Variants in LRRC74A observed in about 807,000 individuals in gnomAD.
The protein encoded by LRRC74A is leucine rich repeat containing 74A, also known as leucine-rich repeat-containing protein 74A.
A neutral mutation model predicts 57.9 loss-of-function variants in LRRC74A; 44 were observed. The observed-to-expected ratio is 0.76, with a 90% CI of 0.60 to 0.98. The LOEUF (loss-of-function observed/expected upper bound fraction) is 0.98, where lower values mean the gene tolerates loss of function less well. Among genes scored for constraint, LRRC74A ranks in the 50% least tolerant of loss-of-function variants. The probability of loss-of-function intolerance (pLI) is 0.00; values close to 1 mark genes in which losing one functional copy is unlikely to be tolerated. For missense variants in LRRC74A, 572 were observed against 574.0 expected, an observed-to-expected ratio of 1.00 and a Z score of 0.04; for synonymous variants, 211 against 219.4, an observed-to-expected ratio of 0.96 and a Z score of 0.34.
chr14:76,828,654 G>A (rs1362518604), intron 2 of LRRC74A: 2 of 658,372 alleles, frequency 3.0e-6, no homozygotes, highest in East Asian at 3.1e-5. Flanking sequence ...GTGCCCTCAC[G>A]TCGTCTTGTT....
chr14:76,863,185 AGTGTGTGTGTGTGTGT>A (rs112669509), intron 11 of LRRC74A, among the ~76,000 whole-genome samples: 2 of 145,206 alleles, frequency 1.4e-5, no homozygotes, highest in African/African-American at 2.6e-5. Flanking sequence ...CATGCATGTG[AGTGTGTGTGTGTGTGT>A]GTGTGTGTGT....
intron 5 of LRRC74A, among the ~76,000 whole-genome samples, chr14:76,841,923 G>C (rs1175904210): frequency 6.6e-6 from 1 of 151,916 alleles, no homozygotes; most frequent in East Asian, 1.9e-4. Context: ...TGTTGGTCAG[G>C]CTGGTCTCGA....
intron 9 of LRRC74A, 122 bp downstream of exon 9, chr14:76,853,532 C>CATAT: frequency 1.1e-6 from 1 of 911,232 alleles, no homozygotes; most frequent in Non-Finnish European, 1.6e-6. Context: ...ATCTGTACTT[C>CATAT]ATATATGCAT....
chr14:76,828,849 G>A (rs2067007), intron 2 of LRRC74A: 132,411 of 442,908 alleles, frequency 0.3, 20,692 homozygotes, highest in South Asian at 0.39. Flanking sequence ...TGCCCAGCAC[G>A]TTGGCTGATC....
At chr14:76,855,596 A>C (rs1277424807) in intron 9 of LRRC74A, among the ~76,000 whole-genome samples, 1 of 152,218 alleles carries the variant, frequency 6.6e-6, no homozygotes, top group African/African-American at 2.4e-5. Context: ...GGGTCTCCAC[A>C]TCCAGCCCTG....
intron 13 of LRRC74A, among the ~76,000 whole-genome samples, chr14:76,868,937 A>C (rs1417078342): frequency 2.0e-5 from 3 of 152,180 alleles, no homozygotes; most frequent in African/African-American, 7.2e-5. Context: ...GGGGAAATGC[A>C]CACAGCGGCT....
intron 11 of LRRC74A, among the ~76,000 whole-genome samples, chr14:76,863,670 A>T (rs996955056): frequency 6.6e-6 from 1 of 152,336 alleles, no homozygotes; most frequent in East Asian, 1.9e-4. Flanking sequence ...CTACCAAAGT[A>T]GCTGGGCAAG....
chr14:76,847,699 A>AG (rs1341010163), intron 7 of LRRC74A, among the ~76,000 whole-genome samples: 2 of 152,150 alleles, frequency 1.3e-5, no homozygotes, highest in African/African-American at 4.8e-5. Flanking sequence ...AAAAAAAAAA[A>AG]AAGTGCTGTT....
chr14:76,836,593 A>C (rs1485016956), intron 4 of LRRC74A, among the ~76,000 whole-genome samples: 1 of 152,226 alleles, frequency 6.6e-6, no homozygotes, highest in Non-Finnish European at 1.5e-5. Flanking sequence ...TGAGGTCAGG[A>C]GTTCAAACCC....
At chr14:76,861,869 C>T (rs113256654) in intron 11 of LRRC74A, among the ~76,000 whole-genome samples, 87 of 152,306 alleles carry the variant, frequency 5.7e-4, no homozygotes, top group African/African-American at 1.8e-3. Context: ...GGTGTGTCCC[C>T]GGGCTGCTTC....
intron 5 of LRRC74A, among the ~76,000 whole-genome samples, chr14:76,841,648 C>A (rs1319884799): frequency 1.3e-5 from 2 of 151,322 alleles, no homozygotes; most frequent in African/African-American, 4.9e-5. Context: ...AATATTGAGT[C>A]TCCTCATTTA....
intron 7 of LRRC74A, among the ~76,000 whole-genome samples, chr14:76,851,215 G>A (rs74068889): frequency 0.081 from 12,299 of 152,248 alleles, 577 homozygotes; most frequent in Admixed American, 0.13. Context: ...CACTGCAGCC[G>A]TGGCCTGCCA....
intron 11 of LRRC74A, among the ~76,000 whole-genome samples, 154 bp downstream of exon 11, chr14:76,860,993 A>G (rs1026059107): frequency 5.9e-5 from 9 of 152,204 alleles, no homozygotes; most frequent in Admixed American, 5.2e-4. Context: ...CAGACATGGA[A>G]TGAATATTCT....
chr14:76,857,350 C>T, intron 9 of LRRC74A, 30 bp from the exon 10 acceptor site: 1 of 1,448,308 alleles, frequency 6.9e-7, no homozygotes, highest in Non-Finnish European at 9.5e-7. Context: ...CCCATCTCAG[C>T]CTCCTCTTGT....
chr14:76,867,692 G>A (rs948929040), intron 13 of LRRC74A, among the ~76,000 whole-genome samples: 10 of 152,154 alleles, frequency 6.6e-5, no homozygotes, highest in African/African-American at 1.4e-4. Context: ...GGGAGGAGCC[G>A]GAGCCCACAC....
intron 8 of LRRC74A, 46 bp from the exon 9 acceptor site, chr14:76,853,170 T>G: frequency 6.5e-7 from 1 of 1,538,468 alleles, no homozygotes; most frequent in Non-Finnish European, 8.9e-7. Flanking sequence ...GTTGGATGAG[T>G]CACGCGTAAC....
At chr14:76,833,436 C>CTTTTT (rs61149051) in intron 3 of LRRC74A, among the ~76,000 whole-genome samples, 1 of 69,014 alleles carries the variant, frequency 1.4e-5, no homozygotes, top group African/African-American at 5.4e-5. Context: ...ATTCACATCA[C>CTTTTT]TTTTTTTTTT....
chr14:76,864,018 C>T (rs1409894937), intron 11 of LRRC74A, among the ~76,000 whole-genome samples: 1 of 152,232 alleles, frequency 6.6e-6, no homozygotes, highest in Non-Finnish European at 1.5e-5. Context: ...TGCAAGGGGA[C>T]TTGGGGAATG....
chr14:76,838,047 G>GAGACATTGAATTC, intron 5 of LRRC74A, 76 bp downstream of exon 5: 2 of 981,186 alleles, frequency 2.0e-6, no homozygotes, highest in Non-Finnish European at 3.1e-6. Flanking sequence ...AGAATTCAAT[G>GAGACATTGAATTC]TCTCATTGAA....
Sources: gnomAD v4.1 joint callset for allele counts (sites outside exome capture counted in the v4.1 genomes callset) on GRCh38, gnomAD v4.1.1 for gene constraint, MANE v1.5 for transcripts, NCBI Gene and HGNC (gene_info 2026-07-23, HGNC 2026-07-21) for gene names.